The following ST6GALNAC3 variants were observed in gnomAD, a reference collection of about 807,000 sequenced individuals.
The protein encoded by ST6GALNAC3 is alpha-N-acetylgalactosaminide alpha-2,6-sialyltransferase 3.
A neutral mutation model predicts 32.7 loss-of-function variants in ST6GALNAC3; 25 were observed. The ratio of observed to expected loss-of-function variants is 0.76; its 90% CI spans 0.56 to 1.07. The LOEUF (loss-of-function observed/expected upper bound fraction) is 1.07, where lower values mean the gene tolerates loss of function less well. Among genes scored for constraint, ST6GALNAC3 ranks in the 50% least tolerant of loss-of-function variants. The pLI is 0.00. For missense variants in ST6GALNAC3, 355 were observed against 382.4 expected, an observed-to-expected ratio of 0.93 and a Z score of 0.60; for synonymous variants, 129 against 133.1, an observed-to-expected ratio of 0.97 and a Z score of 0.21.
chr1:76,527,609 A>G (rs1662993174), intron 3 of ST6GALNAC3, among the ~76,000 whole-genome samples: 5 of 152,106 alleles, frequency 3.3e-5, no homozygotes. Context: ...CTAATAGGCA[A>G]TCAGAGACAC....
intron 2 of ST6GALNAC3, among the ~76,000 whole-genome samples, chr1:76,371,951 C>T (rs1650859163): frequency 2.0e-5 from 3 of 152,056 alleles, no homozygotes; most frequent in Non-Finnish European, 1.5e-5. Flanking sequence ...ACAAATTGTC[C>T]CCAGTTCTTT....
At chr1:76,298,099 A>C (rs11581772) in intron 1 of ST6GALNAC3, among the ~76,000 whole-genome samples, 3 of 152,060 alleles carry the variant, frequency 2.0e-5, no homozygotes, top group East Asian at 3.9e-4. Flanking sequence ...GGCTGGAGGA[A>C]CAGTCAGAGG....
At chr1:76,311,789 T>C (rs1427849569) in intron 1 of ST6GALNAC3, among the ~76,000 whole-genome samples, 2 of 152,234 alleles carry the variant, frequency 1.3e-5, no homozygotes, top group Non-Finnish European at 2.9e-5. Flanking sequence ...CCTTTGGTTA[T>C]ATACCCAGTA....
chr1:76,542,579 T>G (rs576722815), intron 3 of ST6GALNAC3, among the ~76,000 whole-genome samples: 21 of 152,140 alleles, frequency 1.4e-4, no homozygotes, highest in Non-Finnish European at 8.8e-5. Context: ...CACACTTGCT[T>G]CTCTCATCAC....
intron 1 of ST6GALNAC3, among the ~76,000 whole-genome samples, chr1:76,082,096 A>G (rs1646904016): frequency 6.6e-6 from 1 of 152,260 alleles, no homozygotes; most frequent in Admixed American, 6.5e-5. Context: ...CTAGTAAACG[A>G]CTGAGCGAAG....
Position 76,532,359 on chromosome 1 carries a change from T to G in ST6GALNAC3, c.624-95093T>G, listed in dbSNP as rs576648509. Among the ~76,000 whole-genome samples, 285 of 152,262 alleles carry G rather than the reference T, an allele frequency of 1.9e-3. 4 individuals carry two copies. The highest frequency in any genetic ancestry group is 6.8e-3 in the Middle Eastern group (2 of 294). ...GATTGACATTTTATGAAACATGCAT[T>G]TACAAATGGCATCTGAATACCGAAT... is the stretch of plus-strand genomic sequence containing the variant. On this transcript the variant is annotated intron_variant, in intron 3 of 4. Transcript: ENST00000328299.
At chr1:76,180,222 G>A (rs12138879) in intron 1 of ST6GALNAC3, among the ~76,000 whole-genome samples, 29,886 of 152,072 alleles carry the variant, frequency 0.2, 3,065 homozygotes, top group African/African-American at 0.22. Flanking sequence ...TTTAAATATA[G>A]TTTTGTCACT....
chr1:76,612,019 C>A (rs973798255), intron 3 of ST6GALNAC3, among the ~76,000 whole-genome samples: 1 of 152,226 alleles, frequency 6.6e-6, no homozygotes, highest in African/African-American at 2.4e-5. Flanking sequence ...AGTAAAGACA[C>A]CTGCGACTTG....
At chr1:76,495,157 G>A (rs1051553953) in intron 3 of ST6GALNAC3, among the ~76,000 whole-genome samples, 2 of 152,070 alleles carry the variant, frequency 1.3e-5, no homozygotes, top group African/African-American at 4.8e-5. Context: ...CCAGGATAAT[G>A]TTTGACCAAA....
intron 3 of ST6GALNAC3, among the ~76,000 whole-genome samples, chr1:76,614,672 T>C (rs1648162843): frequency 7.9e-6 from 1 of 126,126 alleles, no homozygotes. Context: ...TGAGCAGAGA[T>C]GGCGCCACTG....
At chr1:76,607,193 A>G (rs933525978) in intron 3 of ST6GALNAC3, among the ~76,000 whole-genome samples, 2 of 152,220 alleles carry the variant, frequency 1.3e-5, no homozygotes, top group Non-Finnish European at 2.9e-5. Context: ...GAAGAGATCC[A>G]AGGGCAAAGG....
intron 1 of ST6GALNAC3, among the ~76,000 whole-genome samples, chr1:76,270,054 C>G (rs192399489): frequency 6.6e-6 from 1 of 152,114 alleles, no homozygotes; most frequent in Admixed American, 6.5e-5. Context: ...GCATCCATAC[C>G]CCCCAAATAG....
At chr1:76,280,541 C>G (rs928454558) in intron 1 of ST6GALNAC3, among the ~76,000 whole-genome samples, 2 of 152,146 alleles carry the variant, frequency 1.3e-5, no homozygotes, top group African/African-American at 4.8e-5. Context: ...GTTACACATA[C>G]CTATTGCTGC....
chr1:76,623,889 A>G (rs1305005591), intron 3 of ST6GALNAC3, among the ~76,000 whole-genome samples: 1 of 151,880 alleles, frequency 6.6e-6, no homozygotes, highest in Non-Finnish European at 1.5e-5. Flanking sequence ...TCCTCTAGGG[A>G]CCCAGATTAC....
intron 1 of ST6GALNAC3, among the ~76,000 whole-genome samples, chr1:76,212,526 C>T (rs1220683060): frequency 6.6e-6 from 1 of 152,048 alleles, no homozygotes; most frequent in Non-Finnish European, 1.5e-5. Context: ...TTGTTGGATC[C>T]TGAAGAGGAG....
chr1:76,091,544 C>T (rs932584515), intron 1 of ST6GALNAC3, among the ~76,000 whole-genome samples: 1 of 152,224 alleles, frequency 6.6e-6, no homozygotes, highest in Non-Finnish European at 1.5e-5. Flanking sequence ...GAGCTAAGCA[C>T]CACATATAGT....
At chr1:76,543,316 A>G (rs1664103083) in intron 3 of ST6GALNAC3, among the ~76,000 whole-genome samples, 1 of 152,182 alleles carries the variant, frequency 6.6e-6, no homozygotes, top group South Asian at 2.1e-4. Flanking sequence ...CAATATAACA[A>G]TCCAAGTGCT....
At chr1:76,339,945 A>C (rs1647820242) in intron 2 of ST6GALNAC3, among the ~76,000 whole-genome samples, 2 of 152,254 alleles carry the variant, frequency 1.3e-5, no homozygotes, top group South Asian at 4.1e-4. Flanking sequence ...AGAGAAAGTC[A>C]TACAGATATT....
intron 2 of ST6GALNAC3, among the ~76,000 whole-genome samples, chr1:76,357,567 G>C (rs1007239543): frequency 6.6e-6 from 1 of 152,110 alleles, no homozygotes; most frequent in African/African-American, 2.4e-5. Context: ...GTTTCCTCTT[G>C]TATGAAAGCT....
Sources: gnomAD v4.1 joint callset for allele counts (sites outside exome capture counted in the v4.1 genomes callset) on GRCh38, gnomAD v4.1.1 for gene constraint, MANE v1.5 for transcripts, NCBI Gene and HGNC (gene_info 2026-07-23, HGNC 2026-07-21) for gene names.